The following PTPRD variants were observed in gnomAD, a reference collection of about 807,000 sequenced individuals.
PTPRD encodes the protein receptor-type tyrosine-protein phosphatase delta.
A neutral mutation model predicts 214.5 loss-of-function variants in PTPRD; 34 were observed. The ratio of observed to expected loss-of-function variants is 0.16; its 90% confidence interval spans 0.12 to 0.21. The LOEUF (loss-of-function observed/expected upper bound fraction) is 0.21. Among genes scored for constraint, PTPRD ranks in the 10% least tolerant of loss-of-function variants. The pLI is 1.00. For missense variants in PTPRD, 2,545 were observed against 2,398.7 expected (o/e 1.06, Z -1.27); for synonymous variants, 1,128 against 845.7 (o/e 1.33, Z -5.79).
At chr9:9,649,434 A>G (rs959144533) in intron 7 of PTPRD, among the ~76,000 whole-genome samples, 4 of 152,228 alleles carry the variant, frequency 2.6e-5, no homozygotes, top group African/African-American at 4.8e-5. Flanking sequence ...GCATTCATTT[A>G]ATCATAAATA....
At chr9:9,940,481 G>T (rs117169357) in intron 4 of PTPRD, among the ~76,000 whole-genome samples, 3 of 152,086 alleles carry the variant, frequency 2.0e-5, no homozygotes, top group Non-Finnish European at 4.4e-5. Context: ...TACTTAATGG[G>T]GTTTGAAATT....
At chr9:9,889,512 C>A (rs917625762) in intron 5 of PTPRD, among the ~76,000 whole-genome samples, 1 of 152,098 alleles carries the variant, frequency 6.6e-6, no homozygotes, top group African/African-American at 2.4e-5. Context: ...CGGATGAAGA[C>A]TATTATGAGC....
intron 11 of PTPRD, among the ~76,000 whole-genome samples, chr9:8,907,105 A>AT (rs1219345948): frequency 7.2e-5 from 11 of 152,280 alleles, no homozygotes; most frequent in African/African-American, 2.6e-4. Context: ...ATACTACAAT[A>AT]GAGATAGATT....
intron 11 of PTPRD, among the ~76,000 whole-genome samples, chr9:8,930,328 A>G (rs1215751906): frequency 6.6e-6 from 1 of 152,028 alleles, no homozygotes; most frequent in Non-Finnish European, 1.5e-5. Flanking sequence ...TCCATGGTGT[A>G]TATGTGCCAC....
intron 44 of PTPRD, among the ~76,000 whole-genome samples, chr9:8,330,947 A>G (rs937412735): frequency 3.3e-5 from 5 of 151,758 alleles, no homozygotes; most frequent in Non-Finnish European, 5.9e-5. Flanking sequence ...AGGTTTTTGC[A>G]TAGCAACTTC....
At chr9:9,207,923 G>A (rs1429247429) in intron 9 of PTPRD, among the ~76,000 whole-genome samples, 1 of 149,250 alleles carries the variant, frequency 6.7e-6, no homozygotes, top group African/African-American at 2.5e-5. Context: ...AATCTTCGTA[G>A]TATATCTTTT....
At chr9:8,869,194 T>C (rs7864061) in intron 11 of PTPRD, among the ~76,000 whole-genome samples, 1,894 of 152,308 alleles carry the variant, frequency 0.012, 43 homozygotes, top group South Asian at 0.058. Context: ...ACAAAACTAC[T>C]ACTTCTGAGA....
At chr9:10,223,941 T>C in intron 3 of PTPRD, among the ~76,000 whole-genome samples, 1 of 151,628 alleles carries the variant, frequency 6.6e-6, no homozygotes, top group Non-Finnish European at 1.5e-5. Flanking sequence ...CCAATGGCTT[T>C]ATGTAGGCCA....
intron 8 of PTPRD, among the ~76,000 whole-genome samples, chr9:9,505,383 A>C (rs1420672500): frequency 6.6e-6 from 1 of 151,506 alleles, no homozygotes; most frequent in Non-Finnish European, 1.5e-5. Flanking sequence ...TTCCTCTTGC[A>C]AAAGTGGCCC....
intron 11 of PTPRD, among the ~76,000 whole-genome samples, chr9:8,943,710 A>T (rs938347222): frequency 2.0e-5 from 3 of 151,658 alleles, no homozygotes; most frequent in African/African-American, 7.3e-5. Flanking sequence ...CACATGCAGA[A>T]GAATGAAACT....
At chr9:8,364,843 A>T (rs1220263710) in intron 39 of PTPRD, among the ~76,000 whole-genome samples, 1 of 152,218 alleles carries the variant, frequency 6.6e-6, no homozygotes, top group Non-Finnish European at 1.5e-5. Context: ...ATGGGCTTGA[A>T]GATCTGGGAT....
At chr9:9,222,657 T>G (rs1249666961) in intron 9 of PTPRD, among the ~76,000 whole-genome samples, 2 of 152,012 alleles carry the variant, frequency 1.3e-5, no homozygotes, top group East Asian at 3.9e-4. Flanking sequence ...AGAATACAAT[T>G]ATCTTTGCCA....
chr9:9,848,485 G>T (rs12349554), intron 5 of PTPRD, among the ~76,000 whole-genome samples: 8 of 152,022 alleles, frequency 5.3e-5, no homozygotes, highest in Admixed American at 1.3e-4. Context: ...GGCTTATTTC[G>T]TTTAATTCTC....
At chr9:8,506,244 A>C (rs2097540794) in intron 22 of PTPRD, among the ~76,000 whole-genome samples, 1 of 152,188 alleles carries the variant, frequency 6.6e-6, no homozygotes, top group South Asian at 2.1e-4. Flanking sequence ...TCACTTTGTG[A>C]AGATTTTTTT....
At chr9:10,151,913 T>C (rs1279226822) in intron 3 of PTPRD, among the ~76,000 whole-genome samples, 1 of 152,248 alleles carries the variant, frequency 6.6e-6, no homozygotes, top group Non-Finnish European at 1.5e-5. Context: ...TCCTATGCTA[T>C]GGATATACCA....
At chr9:9,794,705 G>C (rs1018270361) in intron 5 of PTPRD, among the ~76,000 whole-genome samples, 1 of 152,132 alleles carries the variant, frequency 6.6e-6, no homozygotes, top group Admixed American at 6.5e-5. Context: ...CAATTTTACA[G>C]ATAATAAAAC....
chr9:8,880,386 T>G (rs750314484), intron 11 of PTPRD, among the ~76,000 whole-genome samples: 16 of 152,198 alleles, frequency 1.1e-4, no homozygotes, highest in Non-Finnish European at 1.8e-4. Flanking sequence ...TGTGGATATC[T>G]ACAGGCACTT....
At chr9:10,072,738 C>T (rs933698547) in intron 3 of PTPRD, among the ~76,000 whole-genome samples, 5 of 151,972 alleles carry the variant, frequency 3.3e-5, no homozygotes, top group African/African-American at 1.2e-4. Flanking sequence ...CTGATTGGGG[C>T]GTTTTTACAG....
chr9:8,625,992 A>G (rs1222893093), intron 14 of PTPRD, among the ~76,000 whole-genome samples: 1 of 151,830 alleles, frequency 6.6e-6, no homozygotes, highest in Non-Finnish European at 1.5e-5. Flanking sequence ...ATAAGATATA[A>G]TAAGTTACTT....
Sources: gnomAD v4.1 joint callset for allele counts (sites outside exome capture counted in the v4.1 genomes callset) on GRCh38, gnomAD v4.1.1 for gene constraint, MANE v1.5 for transcripts, NCBI Gene and HGNC (gene_info 2026-07-23, HGNC 2026-07-21) for gene names.